GPI: variants seen among roughly 807,000 people sequenced by gnomAD.
GPI encodes the protein glucose-6-phosphate isomerase.
GPI carries 56 observed loss-of-function variants against 75.8 expected under a neutral mutation model. The ratio of observed to expected loss-of-function variants is 0.74; its 90% confidence interval spans 0.60 to 0.92. The LOEUF is 0.92. GPI is among the 40% of genes least tolerant of loss of function. The probability of loss-of-function intolerance (pLI) is 0.00; values close to 1 mark genes in which losing one functional copy is unlikely to be tolerated. For synonymous variants in GPI, 288 were observed against 285.4 expected (o/e 1.01, Z -0.09); for missense variants, 638 against 741.0 (o/e 0.86, Z 1.61).
chr19:34,397,309 C>G (rs1240260736), intron 14 of GPI: 1 of 153,646 alleles, frequency 6.5e-6, no homozygotes, highest in Non-Finnish European at 1.4e-5. Flanking sequence ...AGCTTCCTTG[C>G]TGTGGGCTGA....
intron 3 of GPI, 31 bp downstream of exon 3, chr19:34,366,882 T>A: frequency 6.8e-7 from 1 of 1,468,578 alleles, no homozygotes; most frequent in Non-Finnish European, 9.5e-7. Context: ...CTCTGGGGCC[T>A]CCTTCCTTCC....
intron 4 of GPI, among the ~76,000 whole-genome samples, chr19:34,372,537 G>A (rs1016915383): frequency 6.6e-6 from 1 of 152,174 alleles, no homozygotes; most frequent in Admixed American, 6.6e-5. Context: ...GGCTGCTTAG[G>A]AGGCTGAGGC....
At chr19:34,369,737 C>A (rs2074423204) in intron 4 of GPI, among the ~76,000 whole-genome samples, 1 of 151,096 alleles carries the variant, frequency 6.6e-6, no homozygotes, top group South Asian at 2.1e-4. Context: ...ATCCCCATTC[C>A]CAGCTAACCC....
Position 34,377,822 on chromosome 19 carries a change from A to G in GPI, c.574A>G (p.Ile192Val), listed in dbSNP as rs367675230. ...WYVSNIDGTHIAKTLAQLNPE... is the reference protein window; with the variant it reads ...WYVSNIDGTHVAKTLAQLNPE... ...TGTCTCCAACATTGATGGAACTCAC[A>G]TTGCCAAAACCCTGGCCCAGCTGAA... Residue 192 changes from isoleucine to valine, a missense_variant, in exon 6 of 18, where the codon ATT (isoleucine) becomes GTT (valine). Physicochemically the swap from Ile to Val is conservative, Grantham distance 29. Transcript: ENST00000356487. 2 of 1,613,994 alleles carry G rather than the reference A, an allele frequency of 1.2e-6. No homozygotes were observed. Among genetic ancestry groups the G allele is most frequent in the Non-Finnish European group, 1.7e-6 (2 of 1,180,022 alleles).
At chr19:34,377,676 C>A (rs2074568865) in intron 5 of GPI, 59 bp from the exon 6 acceptor site, 29 of 1,594,680 alleles carry the variant, frequency 1.8e-5, no homozygotes, top group Non-Finnish European at 2.2e-5. Flanking sequence ...TGGGACCTGG[C>A]TGTCTCCACT....
At position 34,393,667 on chromosome 19, in the gene GPI, G is replaced by C. The variant is rs1448265465; in HGVS notation, c.866-61G>C. The C allele has an allele frequency of 8.6e-6, 13 of 1,509,216 alleles. No homozygotes were observed. The highest frequency in any genetic ancestry group is 1.4e-5 in the African/African-American group (1 of 72,928). The allele number at this position is 1,509,216 out of a possible 1,614,324, so 93.5% of individuals were successfully genotyped here. A position where few individuals can be genotyped will look rare whatever the true frequency, so the allele number is the denominator to read the frequency against. On this transcript the variant is annotated intron_variant, in intron 10 of 17. Coordinates refer to ENST00000356487, the MANE Select transcript of GPI (RefSeq NM_000175.5). The surrounding 1 kb of genome is among the most constrained non-coding windows in gnomAD (Gnocchi z 4.4). ...CTTCCTTCGTTGCAGAAGGAGCTGT[G>C]CCCACTGCCCACAGGACGCAGGGTG...
At position 34,397,780 on chromosome 19, in the gene GPI, T is replaced by TCC. The variant is rs1355776756; in HGVS notation, c.1269+1123_1269+1124insCC. 206 of 150,850 alleles carry TCC rather than the reference T, an allele frequency of 1.4e-3. 1 individual carries two copies. Among genetic ancestry groups the TCC allele is most frequent in the African/African-American group, 4.9e-3 (202 of 40,964 alleles). The allele number at this position is 150,850 out of a possible 1,614,324, so 9.3% of individuals were successfully genotyped here. On this transcript the variant is annotated intron_variant, in intron 14 of 17. Coordinates refer to ENST00000356487, the MANE Select transcript of GPI (RefSeq NM_000175.5). ...CCTCGGCCTCCCAAAGTTTTGGGAT[T>TCC]ACAGGCATGAGCTACCGTGCCTGGC...
At chr19:34,360,986 C>T (rs770425423), upstream of GPI, among the ~76,000 whole-genome samples, 1 of 151,930 alleles carries the variant, frequency 6.6e-6, no homozygotes, top group Non-Finnish European at 1.5e-5. Context: ...CCATGGTGGC[C>T]AGACTGGTCT....
Position 34,393,664 on chromosome 19 carries a change from T to C in GPI, c.866-64T>C. The C allele has an allele frequency of 5.4e-6, 8 of 1,481,822 alleles. No homozygotes were observed. Among genetic ancestry groups the C allele is most frequent in the Non-Finnish European group, 6.6e-6 (7 of 1,060,088 alleles). 91.8% of individuals were successfully genotyped at this position (1,481,822 alleles called of 1,614,324 possible). A position where few individuals can be genotyped will look rare whatever the true frequency, so the allele number is the denominator to read the frequency against. The stretch of plus-strand genomic sequence containing the variant: ...AGCCTTCCTTCGTTGCAGAAGGAGC[T>C]GTGCCCACTGCCCACAGGACGCAGG... On this transcript the variant is annotated intron_variant, in intron 10 of 17. Coordinates refer to ENST00000356487, the MANE Select transcript of GPI (RefSeq NM_000175.5). This position sits in a 1 kb window ranked among gnomAD's most constrained non-coding sequence, Gnocchi z 4.4.
intron 9 of GPI, among the ~76,000 whole-genome samples, chr19:34,383,155 T>G (rs1361046983): frequency 6.6e-6 from 1 of 151,014 alleles, no homozygotes; most frequent in African/African-American, 2.4e-5. Context: ...CAGGCAGGGG[T>G]GTGGTGGGAA....
In GPI at chr19:34,366,352, C is replaced by T. The variant is rs1165634797; in HGVS notation, c.130C>T (p.Leu44Phe). 1.2e-6 allele frequency: 2 copies of T among 1,609,546 alleles called. No individual in the cohort carries two copies. The highest frequency in any genetic ancestry group is 1.1e-5 in the South Asian group (1 of 90,984). ...ATCTCCATCTTTCTGCAGCTTGACC[C>T]TCAACACCAACCATGGGCATATCCT... The part of the protein sequence containing the change: ...KDRFNHFSLT[L>F]NTNHGHILVD... Residue 44 changes from leucine to phenylalanine, a missense_variant, in exon 2 of 18, where the codon CTC (leucine) becomes TTC (phenylalanine). Leu to Phe is a conservative substitution (Grantham distance 22). Coordinates refer to ENST00000356487, the MANE Select transcript of GPI (RefSeq NM_000175.5).
chr19:34,384,168 C>T (rs1008028794), intron 9 of GPI, among the ~76,000 whole-genome samples: 1 of 152,084 alleles, frequency 6.6e-6, no homozygotes, highest in Non-Finnish European at 1.5e-5. Flanking sequence ...GAGCTGTGTC[C>T]TTGGGCGATG....
At chr19:34,370,232 A>C (rs903336677) in intron 4 of GPI, among the ~76,000 whole-genome samples, 1 of 152,166 alleles carries the variant, frequency 6.6e-6, no homozygotes, top group African/African-American at 2.4e-5. Flanking sequence ...GTGATTCTGC[A>C]GGGGTGGGTT....
chr19:34,396,377 G>T lies in GPI; in HGVS notation c.1139G>T (p.Trp380Leu). 5.0e-6 allele frequency: 8 copies of T among 1,614,104 alleles called. No individual in the cohort carries two copies. Among genetic ancestry groups the T allele is most frequent in the Admixed American group, 1.7e-5 (1 of 60,024 alleles). The change falls in exon 13 of 18, where the codon TGG (tryptophan) becomes TTG (leucine). Residue 380 changes from tryptophan to leucine, a missense_variant. Physicochemically the swap from Trp to Leu is moderately conservative, Grantham distance 61 (BLOSUM62 -2). Transcript: ENST00000356487. ...GACCACCAGACAGGCCCCATTGTGT[G>T]GGGGGAGCCAGGGACCAATGGCCAG... ...RVDHQTGPIV[W>L]GEPGTNGQHA...
At position 34,380,001 on chromosome 19, in the gene GPI, T is replaced by G. The variant is rs537970999; in HGVS notation, c.750+439T>G. Reference sequence around the variant, plus strand: ...GTGTGTGTGGTTTTGTTTTTTTTTTTTTTTTTTTTTTTTTTAAGACAGTCT... The same window carrying G: ...GTGTGTGTGGTTTTGTTTTTTTTTTGTTTTTTTTTTTTTTTAAGACAGTCT... On this transcript the variant is annotated intron_variant, in intron 8 of 17. Transcript: ENST00000356487. 196 of 209,672 alleles carry G rather than the reference T, an allele frequency of 9.3e-4. 2 individuals carry two copies. Among genetic ancestry groups the G allele is most frequent in the East Asian group, 1.5e-3 (11 of 7,446 alleles). The allele number at this position is 209,672 out of a possible 1,614,324, so 13.0% of individuals were successfully genotyped here.
In GPI at chr19:34,399,979, T is replaced by C. The variant is rs753624882; in HGVS notation, c.1620T>C (p.Ala540=). The C allele has an allele frequency of 6.2e-7, 1 of 1,613,884 alleles. No individual in the cohort carries two copies. The highest frequency in any genetic ancestry group is 2.2e-5 in the East Asian group (1 of 44,870). ...GTGCTCAAGTGACCTCTCACGACGC[T>C]TCTACCAATGGGCTCATCAACTTCA... ...DGSAQVTSHD[A]STNGLINFIK... is the part of the protein sequence containing the mutation. The change falls in exon 18 of 18, where the codon GCT becomes GCC. Residue 540 remains alanine (A), a synonymous_variant. Transcript: ENST00000356487.
At chr19:34,362,928 G>C (rs1236173541), upstream of GPI, among the ~76,000 whole-genome samples, 2 of 152,128 alleles carry the variant, frequency 1.3e-5, no homozygotes. Flanking sequence ...GGGTGGGAGA[G>C]GATGGTTTTA....
chr19:34,400,052 C>T lies in GPI; in HGVS notation c.*16C>T, dbSNP rs1253286763. The T allele has an allele frequency of 1.2e-6, 2 of 1,608,070 alleles. No homozygotes were observed. Among genetic ancestry groups the T allele is most frequent in the South Asian group, 1.1e-5 (1 of 91,014 alleles). On this transcript the variant is annotated 3_prime_UTR_variant, in exon 18 of 18. Coordinates refer to ENST00000356487, the MANE Select transcript of GPI (RefSeq NM_000175.5). ...AGTCCAATAAACTCGTGCTCATCTGCAGCCTCCTCTGTGACTCCCCTTTCT... is the reference window on the plus strand; with the variant it reads ...AGTCCAATAAACTCGTGCTCATCTGTAGCCTCCTCTGTGACTCCCCTTTCT...
chr19:34,379,640 G>C (rs943795667), intron 8 of GPI, 78 bp downstream of exon 8: 12 of 1,166,768 alleles, frequency 1.0e-5, no homozygotes, highest in African/African-American at 3.0e-5. Flanking sequence ...TCAGAGACGC[G>C]GTTCGTAGGT....
Sources: gnomAD v4.1 joint callset for allele counts (sites outside exome capture counted in the v4.1 genomes callset) on GRCh38, gnomAD v4.1.1 for gene constraint, Gnocchi (gnomAD v3.1) non-coding constraint, MANE v1.5 for transcripts, NCBI Gene and HGNC (gene_info 2026-07-23, HGNC 2026-07-21) for gene names.